The following TSPAN18 variants were observed in gnomAD, a reference collection of about 807,000 sequenced individuals.
TSPAN18 encodes the protein tetraspanin 18, also known as tetraspanin-18.
A neutral mutation model predicts 27.3 loss-of-function variants in TSPAN18; 14 were observed. The ratio of observed to expected loss-of-function variants is 0.51; its 90% CI spans 0.34 to 0.80. TSPAN18 has a LOEUF of 0.80. Among genes scored for constraint, TSPAN18 ranks in the 30% least tolerant of loss-of-function variants. The pLI, the probability that TSPAN18 is intolerant of heterozygous loss-of-function variation, is 0.01. For missense variants in TSPAN18, 268 were observed against 323.9 expected, an observed-to-expected ratio of 0.83 and a Z score of 1.32; for synonymous variants, 143 against 136.5, an observed-to-expected ratio of 1.05 and a Z score of -0.33.
At chr11:44,848,053 CTT>C (rs1403569699) in intron 2 of TSPAN18, among the ~76,000 whole-genome samples, 2 of 152,152 alleles carry the variant, frequency 1.3e-5, no homozygotes, top group African/African-American at 4.8e-5. Flanking sequence ...CCAGGCTAGT[CTT>C]TAACTCCTGA....
intron 2 of TSPAN18, among the ~76,000 whole-genome samples, chr11:44,776,555 T>C (rs1236643333): frequency 6.6e-6 from 1 of 152,166 alleles, no homozygotes; most frequent in Non-Finnish European, 1.5e-5. Flanking sequence ...GAAATCAACA[T>C]ACCAGTGCTG....
chr11:44,855,800 A>AC (rs1857722086), intron 2 of TSPAN18, among the ~76,000 whole-genome samples: 1 of 9,150 alleles, frequency 1.1e-4, no homozygotes, highest in Non-Finnish European at 2.3e-4. Context: ...CCCACCCCCC[A>AC]CCATGCCCTG....
At position 44,930,087 on chromosome 11, in the gene TSPAN18, G is replaced by T. The variant is rs897185581; in HGVS notation, c.*909G>T. ...CTCTGAGTCCCCAGGAACACACAGA[G>T]GTGCACATCACATTCCCTTGTCCAC... On this transcript the variant is annotated 3_prime_UTR_variant, in exon 10 of 10. Transcript: ENST00000520358. 2 of 152,442 alleles carry T rather than the reference G, an allele frequency of 1.3e-5. No homozygotes were observed. The highest frequency in any genetic ancestry group is 6.5e-5 in the Admixed American group (1 of 15,276). The allele number at this position is 152,442 out of a possible 1,614,324, so 9.4% of individuals were successfully genotyped here.
intron 1 of TSPAN18, among the ~76,000 whole-genome samples, chr11:44,758,803 A>C (rs1322871236): frequency 6.6e-6 from 1 of 152,188 alleles, no homozygotes; most frequent in Admixed American, 6.5e-5. Context: ...CAAGAGGCAG[A>C]ACTGAGATTT....
intron 3 of TSPAN18, among the ~76,000 whole-genome samples, chr11:44,861,171 A>C (rs531519438): frequency 6.6e-6 from 1 of 152,070 alleles, no homozygotes; most frequent in Admixed American, 6.5e-5. Context: ...ATGTGGCCGC[A>C]GGGCAGGCAC....
At chr11:44,882,627 C>CACACACACACACACACACAGAGAG (rs375349718) in intron 3 of TSPAN18, among the ~76,000 whole-genome samples, 1 of 130,608 alleles carries the variant, frequency 7.7e-6, no homozygotes, top group Admixed American at 7.6e-5. Context: ...CACACACACA[C>CACACACACACACACACACAGAGAG]AGAGAGAGAG....
intron 3 of TSPAN18, among the ~76,000 whole-genome samples, chr11:44,861,253 C>T (rs1038260967): frequency 3.3e-5 from 5 of 151,952 alleles, no homozygotes; most frequent in Non-Finnish European, 7.4e-5. Context: ...CCAGGCGGTC[C>T]AACAAAAATC....
chr11:44,907,570 C>T lies in TSPAN18; in HGVS notation c.63+1091C>T, dbSNP rs117232874. ...GCCTCAAGCCTTGCAGACTTGAATTCTAGACCCAAGGTCACCACCTTCCAA... is the reference window on the plus strand; with the variant it reads ...GCCTCAAGCCTTGCAGACTTGAATTTTAGACCCAAGGTCACCACCTTCCAA... On this transcript the variant is annotated intron_variant, in intron 4 of 9. Coordinates refer to ENST00000520358, the MANE Select transcript of TSPAN18 (RefSeq NM_130783.5). Among the ~76,000 whole-genome samples the T allele has an allele frequency of 4.6e-3, 694 of 152,314 alleles. 5 individuals are homozygous for T. Among genetic ancestry groups the T allele is most frequent in the Admixed American group, 0.014 (219 of 15,300 alleles).
chr11:44,878,342 G>A (rs1858396951), intron 3 of TSPAN18, among the ~76,000 whole-genome samples: 1 of 152,206 alleles, frequency 6.6e-6, no homozygotes, highest in Non-Finnish European at 1.5e-5. Context: ...CTCCCCTCTG[G>A]ACGCTGTAGA....
At chr11:44,798,495 T>G (rs1486186623) in intron 2 of TSPAN18, among the ~76,000 whole-genome samples, 1 of 152,226 alleles carries the variant, frequency 6.6e-6, no homozygotes, top group Non-Finnish European at 1.5e-5. Context: ...GCTTAACCAC[T>G]GCCCTGTCCT....
At chr11:44,797,809 G>A (rs551879512) in intron 2 of TSPAN18, among the ~76,000 whole-genome samples, 2 of 152,284 alleles carry the variant, frequency 1.3e-5, no homozygotes, top group South Asian at 4.1e-4. Context: ...CCTGCCTCAG[G>A]TGAAGCGACC....
intron 1 of TSPAN18, among the ~76,000 whole-genome samples, chr11:44,742,264 C>T (rs1854957069): frequency 6.8e-6 from 1 of 146,860 alleles, no homozygotes; most frequent in South Asian, 2.1e-4. Flanking sequence ...CTCCCCTTCC[C>T]TTCCCTTTTT....
chr11:44,809,287 C>T (rs573621150), intron 2 of TSPAN18, among the ~76,000 whole-genome samples: 248 of 152,106 alleles, frequency 1.6e-3, no homozygotes, highest in African/African-American at 5.4e-3. Context: ...GGGGAGCACT[C>T]ATATATTTTC....
At chr11:44,910,175 A>C (rs1859656199) in intron 5 of TSPAN18, among the ~76,000 whole-genome samples, 1 of 152,224 alleles carries the variant, frequency 6.6e-6, no homozygotes. Flanking sequence ...GGGCCCCTGC[A>C]GTGCCTCAGG....
intron 3 of TSPAN18, among the ~76,000 whole-genome samples, chr11:44,893,893 C>T (rs958834877): frequency 4.6e-5 from 7 of 152,220 alleles, no homozygotes; most frequent in African/African-American, 1.7e-4. Flanking sequence ...CCAGCCTCAC[C>T]CTGGCAGTCA....
intron 1 of TSPAN18, among the ~76,000 whole-genome samples, chr11:44,744,269 T>G (rs1300732058): frequency 1.3e-5 from 2 of 152,214 alleles, no homozygotes; most frequent in South Asian, 2.1e-4. Context: ...AAAACCTCTT[T>G]CTTCTAGCCC....
At chr11:44,929,104 G>T in intron 9 of TSPAN18, 27 bp from the exon 10 acceptor site, 1 of 1,612,774 alleles carries the variant, frequency 6.2e-7, no homozygotes, top group East Asian at 2.2e-5. Context: ...TGATAAGCCA[G>T]TTCCTGCTCT....
At chr11:44,855,390 G>T (rs1267978669) in intron 2 of TSPAN18, among the ~76,000 whole-genome samples, 1 of 152,144 alleles carries the variant, frequency 6.6e-6, no homozygotes, top group African/African-American at 2.4e-5. Flanking sequence ...GTCTTTATTT[G>T]TAATAGGGGA....
chr11:44,780,708 T>A (rs555763443), intron 2 of TSPAN18, among the ~76,000 whole-genome samples: 8 of 152,352 alleles, frequency 5.3e-5, no homozygotes, highest in African/African-American at 1.9e-4. Flanking sequence ...AGACCTTGGC[T>A]ATGTCATGTC....
Sources: allele counts gnomAD v4.1 joint callset (sites outside exome capture counted in the v4.1 genomes callset), GRCh38; gene constraint gnomAD v4.1.1; transcripts MANE v1.5; gene names NCBI Gene and HGNC (gene_info 2026-07-23, HGNC 2026-07-21).